The following EXD2 variants were observed in gnomAD, a reference collection of about 807,000 sequenced individuals.
The protein encoded by EXD2 is exonuclease 3'-5' domain-containing protein 2.
A neutral mutation model predicts 62.5 loss-of-function variants in EXD2; 40 were observed. The observed-to-expected ratio is 0.64, with a 90% confidence interval of 0.50 to 0.83. The LOEUF (loss-of-function observed/expected upper bound fraction) is 0.83. Among genes scored for constraint, EXD2 ranks in the 40% least tolerant of loss-of-function variants. The pLI is 0.00. For synonymous variants in EXD2, 239 were observed against 291.9 expected, an observed-to-expected ratio of 0.82 and a Z score of 1.85; for missense variants, 671 against 761.8, an observed-to-expected ratio of 0.88 and a Z score of 1.40.
chr14:69,227,645 C>T (rs1018145314), intron 3 of EXD2, among the ~76,000 whole-genome samples: 2 of 151,944 alleles, frequency 1.3e-5, no homozygotes, highest in Non-Finnish European at 1.5e-5. Context: ...GTCAGGAGTT[C>T]GAGACCAGGG....
At chr14:69,202,875 T>TACAAA (rs1157436524) in intron 1 of EXD2, among the ~76,000 whole-genome samples, 2 of 152,196 alleles carry the variant, frequency 1.3e-5, no homozygotes, top group African/African-American at 4.8e-5. Context: ...AAATTACAAA[T>TACAAA]ATATAAAATG....
chr14:69,215,586 C>T (rs1292247876), intron 3 of EXD2, among the ~76,000 whole-genome samples: 2 of 152,152 alleles, frequency 1.3e-5, no homozygotes, highest in Non-Finnish European at 2.9e-5. Context: ...AGTGATTACA[C>T]TAATTTAACC....
chr14:69,199,047 C>T (rs2042301846), intron 1 of EXD2, among the ~76,000 whole-genome samples: 1 of 152,192 alleles, frequency 6.6e-6, no homozygotes, highest in Non-Finnish European at 1.5e-5. Context: ...AGTTCGAGAC[C>T]AGCCTGGCCA....
chr14:69,239,276 C>T (rs995630862), intron 9 of EXD2: 9 of 152,156 alleles, frequency 5.9e-5, no homozygotes, highest in East Asian at 1.9e-4. Context: ...GGCTACCATG[C>T]GCAGTTCTGC....
chr14:69,236,234 G>T, intron 7 of EXD2, 82 bp downstream of exon 7: 1 of 1,505,184 alleles, frequency 6.6e-7, no homozygotes. Flanking sequence ...TAAGGAAGAG[G>T]GAGGGATAGA....
chr14:69,219,990 C>G (rs1320042370), intron 3 of EXD2, among the ~76,000 whole-genome samples: 2 of 151,738 alleles, frequency 1.3e-5, no homozygotes, highest in East Asian at 3.9e-4. Flanking sequence ...CAGATTAAAT[C>G]TGTTCATTTC....
At chr14:69,215,819 CTTT>C (rs371624293) in intron 3 of EXD2, among the ~76,000 whole-genome samples, 1 of 139,916 alleles carries the variant, frequency 7.1e-6, no homozygotes, top group African/African-American at 2.6e-5. Context: ...GCCTCATTTT[CTTT>C]TTTTTTTTTG....
chr14:69,233,417 T>A lies in EXD2; in HGVS notation c.718-1283T>A, dbSNP rs1226632675. Among the ~76,000 whole-genome samples, 14 of 151,944 alleles carry A rather than the reference T, an allele frequency of 9.2e-5. No homozygotes were observed. In the South Asian group the frequency reaches 2.3e-3, roughly 25 times the overall value. ...AAAATTTTAGTTTTTTTTTTAAATT[T>A]AATTTAATTAATTTATTTATTTATT... On this transcript the variant is annotated intron_variant, in intron 5 of 9. Transcript: ENST00000685843.
intron 1 of EXD2, among the ~76,000 whole-genome samples, chr14:69,192,523 G>A (rs1454044619): frequency 2.0e-5 from 3 of 151,956 alleles, no homozygotes; most frequent in Admixed American, 2.0e-4. Flanking sequence ...TTAGCTTGAT[G>A]TTCTTGGTGG....
At chr14:69,193,247 C>CG (rs1390217755) in intron 1 of EXD2, among the ~76,000 whole-genome samples, 5 of 152,004 alleles carry the variant, frequency 3.3e-5, no homozygotes, top group Non-Finnish European at 7.4e-5. Flanking sequence ...TTAGTAGAGA[C>CG]GGGGTTTCAC....
chr14:69,220,253 G>GTTTTTTTTTTTTTTTTTTTTT lies in EXD2; in HGVS notation c.334-8548_334-8528dup, dbSNP rs869194045. ...CTCTCAGCAAGTGTTTTGTCTCTCT[G>GTTTTTTTTTTTTTTTTTTTTT]TTTTTTTTTTTTTTTTTTTTTTTTT... On this transcript the variant is annotated intron_variant, in intron 3 of 9. Transcript: ENST00000685843. Among the ~76,000 whole-genome samples the GTTTTTTTTTTTTTTTTTTTTT allele has an allele frequency of 1.7e-4, 6 of 35,112 alleles. 2 individuals are homozygous for GTTTTTTTTTTTTTTTTTTTTT. The highest frequency in any genetic ancestry group is 2.5e-4 in the Non-Finnish European group (5 of 20,218). 23.0% of individuals were successfully genotyped at this position (35,112 alleles called of 152,430 possible).
At chr14:69,217,809 G>A (rs367713235) in intron 3 of EXD2, among the ~76,000 whole-genome samples, 5 of 152,012 alleles carry the variant, frequency 3.3e-5, no homozygotes, top group African/African-American at 9.7e-5. Flanking sequence ...TTGTCCTTGC[G>A]ATAGTTTGCT....
Position 69,243,451 on chromosome 14 carries a change from T to C in EXD2, c.*2351T>C, listed in dbSNP as rs1434951140. 6.6e-6 allele frequency: 1 copy of C among 152,260 alleles called. No homozygotes were observed. The highest frequency in any genetic ancestry group is 1.5e-5 in the Non-Finnish European group (1 of 68,042). The allele number at this position is 152,260 out of a possible 1,614,324, so 9.4% of individuals were successfully genotyped here. A position where few individuals can be genotyped will look rare whatever the true frequency, so the allele number is the denominator to read the frequency against. ...AAGGTCATACATAGATACAGGTTGG[T>C]ATCCTAACTTTACCCTCTCACTGAT... On this transcript the variant is annotated 3_prime_UTR_variant, in exon 10 of 10. Coordinates refer to ENST00000685843, the MANE Select transcript of EXD2 (RefSeq NM_001193360.2).
chr14:69,229,037 G>A lies in EXD2; in HGVS notation c.555G>A (p.Gly185=), dbSNP rs1195870133. ...LLQDYGLVVR[G]CLDLRYLAMR... ...AGGATTATGGCCTCGTTGTTAGGGG[G>A]TGCCTGGACCTCCGATACCTAGCCA... is the stretch of plus-strand genomic sequence containing the variant. Residue 185 remains glycine, a synonymous_variant, in exon 4 of 10, where the codon GGG becomes GGA. Transcript: ENST00000685843. 5 of 1,614,110 alleles carry A rather than the reference G, an allele frequency of 3.1e-6. No individual in the cohort carries two copies. Among genetic ancestry groups the A allele is most frequent in the Admixed American group, 1.7e-5 (1 of 60,004 alleles).
intron 3 of EXD2, 121 bp from the exon 4 acceptor site, chr14:69,228,695 T>G: frequency 1.5e-6 from 2 of 1,307,302 alleles, no homozygotes; most frequent in South Asian, 3.0e-5. Flanking sequence ...AACCAAAACC[T>G]GGTCAGATGC....
intron 3 of EXD2, among the ~76,000 whole-genome samples, chr14:69,217,637 C>G (rs1594755212): frequency 2.0e-5 from 3 of 151,870 alleles, no homozygotes; most frequent in South Asian, 4.2e-4. Context: ...TGTGCTGCAC[C>G]CATTAACTCG....
chr14:69,199,196 A>T (rs2042306887), intron 1 of EXD2, among the ~76,000 whole-genome samples: 1 of 152,248 alleles, frequency 6.6e-6, no homozygotes, highest in Non-Finnish European at 1.5e-5. Context: ...GTGAGCCGAG[A>T]TCACGCCACT....
chr14:69,200,808 T>G (rs2042371316), intron 1 of EXD2, among the ~76,000 whole-genome samples: 4 of 151,900 alleles, frequency 2.6e-5, no homozygotes, highest in Admixed American at 2.6e-4. Flanking sequence ...GCGTGGTGGC[T>G]CACGCCTGTA....
chr14:69,220,501 G>A (rs1241246009), intron 3 of EXD2, among the ~76,000 whole-genome samples: 4 of 145,534 alleles, frequency 2.7e-5, no homozygotes, highest in Non-Finnish European at 6.1e-5. Flanking sequence ...CTCGTGATCC[G>A]CCCACCTCAG....
Sources: gnomAD v4.1 joint callset for allele counts (sites outside exome capture counted in the v4.1 genomes callset) on GRCh38, gnomAD v4.1.1 for gene constraint, MANE v1.5 for transcripts, NCBI Gene and HGNC (gene_info 2026-07-23, HGNC 2026-07-21) for gene names.